CWF19L2: variants seen among roughly 807,000 people sequenced by gnomAD.
The protein encoded by CWF19L2 is CWF19-like protein 2.
In CWF19L2, 98 loss-of-function variants were observed where a neutral mutation model predicts 111.7. The observed-to-expected ratio is 0.88, with a 90% CI of 0.75 to 1.04. The LOEUF (loss-of-function observed/expected upper bound fraction) is 1.04. Ranked by LOEUF, CWF19L2 falls within the 50% of genes least tolerant of loss-of-function variation. The pLI, the probability that CWF19L2 is intolerant of heterozygous loss-of-function variation, is 0.00. For missense variants in CWF19L2, 1,101 were observed against 1,051.4 expected (o/e 1.05, Z -0.65); for synonymous variants, 351 against 342.9 (o/e 1.02, Z -0.26).
chr11:107,401,765 A>G (rs1861003340), intron 10 of CWF19L2, among the ~76,000 whole-genome samples: 1 of 152,164 alleles, frequency 6.6e-6, no homozygotes, highest in Non-Finnish European at 1.5e-5. Context: ...AAAATGGCCC[A>G]CATAGCCAAA....
At chr11:107,408,717 T>A (rs1238028631) in intron 10 of CWF19L2, among the ~76,000 whole-genome samples, 1 of 152,034 alleles carries the variant, frequency 6.6e-6, no homozygotes, top group South Asian at 2.1e-4. Context: ...AATAGGTACA[T>A]CCATTGACCT....
intron 13 of CWF19L2, among the ~76,000 whole-genome samples, chr11:107,351,958 T>C (rs892673002): frequency 6.6e-6 from 1 of 152,210 alleles, no homozygotes; most frequent in African/African-American, 2.4e-5. Flanking sequence ...AGTTCATTTA[T>C]GTATGAATGC....
chr11:107,337,739 AC>A (rs1192065421), intron 14 of CWF19L2, among the ~76,000 whole-genome samples: 2 of 152,176 alleles, frequency 1.3e-5, no homozygotes, highest in African/African-American at 4.8e-5. Flanking sequence ...AGAATTTTAA[AC>A]TAAAGTTGGC....
chr11:107,402,087 T>C (rs575912360), intron 10 of CWF19L2, among the ~76,000 whole-genome samples: 1 of 152,242 alleles, frequency 6.6e-6, no homozygotes, highest in Admixed American at 6.5e-5. Context: ...CAACTCAAGA[T>C]AGATTAAGGA....
At chr11:107,369,509 G>T (rs1250097256) in intron 12 of CWF19L2, among the ~76,000 whole-genome samples, 1 of 137,160 alleles carries the variant, frequency 7.3e-6, no homozygotes, top group Non-Finnish European at 1.6e-5. Context: ...AGACACATAG[G>T]CTTGACTTAT....
chr11:107,347,084 T>C (rs1332985118), intron 14 of CWF19L2, among the ~76,000 whole-genome samples: 1 of 152,194 alleles, frequency 6.6e-6, no homozygotes, highest in East Asian at 1.9e-4. Flanking sequence ...AGAAAATTTG[T>C]AAAAATGATA....
intron 3 of CWF19L2, among the ~76,000 whole-genome samples, chr11:107,449,216 G>A (rs11212245): frequency 0.028 from 4,161 of 149,894 alleles, 106 homozygotes; most frequent in East Asian, 0.11. Context: ...AAGATTGCTA[G>A]TAGGAACTTC....
chr11:107,420,762 C>T (rs1318895030), intron 8 of CWF19L2, among the ~76,000 whole-genome samples: 2 of 151,952 alleles, frequency 1.3e-5, no homozygotes, highest in Non-Finnish European at 2.9e-5. Flanking sequence ...ACAATTACAA[C>T]AATATACTGT....
At chr11:107,442,196 G>C (rs1010567615) in intron 4 of CWF19L2, among the ~76,000 whole-genome samples, 1 of 152,154 alleles carries the variant, frequency 6.6e-6, no homozygotes, top group South Asian at 2.1e-4. Context: ...TAAGGAACGA[G>C]AATAGAGAGG....
At chr11:107,345,256 T>C (rs1860062567) in intron 14 of CWF19L2, among the ~76,000 whole-genome samples, 1 of 152,200 alleles carries the variant, frequency 6.6e-6, no homozygotes, top group South Asian at 2.1e-4. Context: ...CAATATCTAG[T>C]CATAGAGTGA....
rs749164209 is a variant in CWF19L2 at position 107,418,147 on chromosome 11, T to A, written c.1527+47A>T. The A allele has an allele frequency of 3.4e-6, 4 of 1,163,668 alleles. No homozygotes were observed. The African/African-American group carries it at 4.5e-5, about 13-fold the overall frequency. The allele number at this position is 1,163,668 out of a possible 1,614,324, so 72.1% of individuals were successfully genotyped here. ...AACTTCTAAAATTACTCATAAGAAG[T>A]TAAACATTTAATCATTATTCTCTAA... On this transcript the variant is annotated intron_variant, in intron 9 of 17. Coordinates refer to ENST00000282251, the MANE Select transcript of CWF19L2 (RefSeq NM_152434.3).
chr11:107,375,978 A>G (rs1327773472), intron 12 of CWF19L2, among the ~76,000 whole-genome samples: 30 of 98,322 alleles, frequency 3.1e-4, no homozygotes, highest in African/African-American at 7.5e-4. Flanking sequence ...AGAGAATACT[A>G]CAAACACATC....
chr11:107,341,634 G>A (rs1860006026), intron 14 of CWF19L2, among the ~76,000 whole-genome samples: 1 of 152,128 alleles, frequency 6.6e-6, no homozygotes, highest in Admixed American at 6.5e-5. Flanking sequence ...GAATTGGAAA[G>A]TGTTCTTTCC....
At chr11:107,382,576 T>G (rs1860704507) in intron 12 of CWF19L2, among the ~76,000 whole-genome samples, 1 of 152,240 alleles carries the variant, frequency 6.6e-6, no homozygotes, top group Non-Finnish European at 1.5e-5. Flanking sequence ...ATATACCTAT[T>G]ATGTTCTAGA....
In CWF19L2 at chr11:107,393,202, T is replaced by C. The variant is rs530193213; in HGVS notation, c.1618-307A>G. On this transcript the variant is annotated intron_variant, in intron 10 of 17. Coordinates refer to ENST00000282251, the MANE Select transcript of CWF19L2 (RefSeq NM_152434.3). ...GAAGTATCAATAGTCCATGTGCCCA[T>C]CACTTATGCAGTAGATGTAATGTTT... is the stretch of plus-strand genomic sequence containing the variant. Among the ~76,000 whole-genome samples the C allele has an allele frequency of 2.2e-4, 33 of 152,296 alleles. 1 individual carries two copies. The highest frequency in any genetic ancestry group is 6.8e-3 in the Middle Eastern group (2 of 294).
intron 12 of CWF19L2, among the ~76,000 whole-genome samples, chr11:107,367,619 T>A (rs550869610): frequency 1.7e-5 from 2 of 114,876 alleles, no homozygotes; most frequent in Admixed American, 9.0e-5. Context: ...TAGGTGGGAA[T>A]TGAACAATGA....
chr11:107,347,551 G>C (rs1363763496), intron 14 of CWF19L2, among the ~76,000 whole-genome samples: 1 of 152,236 alleles, frequency 6.6e-6, no homozygotes, highest in East Asian at 1.9e-4. Flanking sequence ...TCACACAAAA[G>C]GAGCTACAAC....
At chr11:107,419,664 G>C (rs1861276998) in intron 8 of CWF19L2, among the ~76,000 whole-genome samples, 1 of 152,096 alleles carries the variant, frequency 6.6e-6, no homozygotes, top group Non-Finnish European at 1.5e-5. Flanking sequence ...CAATGTGTGA[G>C]ATAAAAAATA....
intron 14 of CWF19L2, among the ~76,000 whole-genome samples, chr11:107,345,762 T>C (rs1290951308): frequency 6.6e-6 from 1 of 152,182 alleles, no homozygotes; most frequent in Non-Finnish European, 1.5e-5. Flanking sequence ...ATGTTCTCCA[T>C]ACTCAATAAC....
Sources: allele counts gnomAD v4.1 joint callset (sites outside exome capture counted in the v4.1 genomes callset), GRCh38; gene constraint gnomAD v4.1.1; transcripts MANE v1.5; gene names NCBI Gene and HGNC (gene_info 2026-07-23, HGNC 2026-07-21).